TGFBI: variants seen among roughly 807,000 people sequenced by gnomAD.
TGFBI encodes the protein transforming growth factor-beta-induced protein ig-h3.
Under a neutral mutation model 73.7 loss-of-function variants are expected in TGFBI, and 50 were observed. The ratio of observed to expected loss-of-function variants is 0.68; its 90% CI spans 0.54 to 0.86. The LOEUF is 0.86. Among genes scored for constraint, TGFBI ranks in the 40% least tolerant of loss-of-function variants. The probability of loss-of-function intolerance (pLI) is 0.00; values close to 1 mark genes in which losing one functional copy is unlikely to be tolerated. For synonymous variants in TGFBI, 362 were observed against 360.5 expected, an observed-to-expected ratio of 1.00 and a Z score of -0.05; for missense variants, 839 against 877.0, an observed-to-expected ratio of 0.96 and a Z score of 0.55.
In TGFBI at chr5:136,053,803, G is replaced by T. The variant is rs1025312058; in HGVS notation, c.1127-140G>T. On this transcript the variant is annotated intron_variant, in intron 8 of 16. Coordinates refer to ENST00000442011, the MANE Select transcript of TGFBI (RefSeq NM_000358.3). ...ACTGTTCCCCTGATGACACAAGCCC[G>T]CTGGGCCCCAGCAGTGTTTAGAGGG... The T allele has an allele frequency of 2.4e-6, 3 of 1,244,376 alleles. No individual in the cohort carries two copies. The South Asian group carries it at 4.5e-5, about 18-fold the overall frequency. 77.1% of individuals were successfully genotyped at this position (1,244,376 alleles called of 1,614,324 possible).
intron 10 of TGFBI, chr5:136,055,183 GC>G (rs763654725): frequency 4.0e-5 from 12 of 301,254 alleles, no homozygotes; most frequent in Non-Finnish European, 7.3e-5. Flanking sequence ...GAGAAGAGAA[GC>G]CCCCTAAACT....
intron 7 of TGFBI, among the ~76,000 whole-genome samples, chr5:136,050,011 T>C (rs1060433): frequency 0.37 from 55,801 of 152,050 alleles, 11,564 homozygotes; most frequent in African/African-American, 0.57. Context: ...GGCTAGGGGA[T>C]TTATGGATAA....
At chr5:136,041,140 G>A (rs1751330382) in intron 2 of TGFBI, among the ~76,000 whole-genome samples, 1 of 152,254 alleles carries the variant, frequency 6.6e-6, no homozygotes, top group Non-Finnish European at 1.5e-5. Context: ...CAGCCCACAG[G>A]CTGCTGCACT....
chr5:136,060,856 A>C lies in TGFBI; in HGVS notation c.1826A>C (p.Asn609Thr). 6.2e-7 allele frequency: 1 copy of C among 1,602,162 alleles called. No homozygotes were observed. The highest frequency in any genetic ancestry group is 8.5e-7 in the Non-Finnish European group (1 of 1,171,486). The change falls in exon 14 of 17, where the codon AAC becomes ACC. Residue 609 changes from asparagine to threonine, a missense_variant. Asn to Thr is a moderately conservative substitution (Grantham distance 65). Transcript: ENST00000442011. ...TAGAAAAACAATGTGGTGAGTGTCAACAAGGAGCCTGTTGCCGAGCCTGAC... is the reference window on the plus strand; with the variant it reads ...TAGAAAAACAATGTGGTGAGTGTCACCAAGGAGCCTGTTGCCGAGCCTGAC... ...VSLKNNVVSV[N>T]KEPVAEPDIM...
chr5:136,031,671 A>G (rs531438458), intron 1 of TGFBI, among the ~76,000 whole-genome samples: 3 of 152,336 alleles, frequency 2.0e-5, no homozygotes, highest in South Asian at 2.1e-4. Context: ...TAAAAATACA[A>G]TCACACTTCC....
rs45446201 is a variant in TGFBI at position 136,063,139 on chromosome 5, A to G, written c.2012-47A>G. The G allele has an allele frequency of 5.8e-3, 9,143 of 1,573,204 alleles. 457 individuals carry two copies. In the African/African-American group the frequency reaches 0.11, roughly 18 times the overall value. ...GATTCTGACAGTGTCCTAGACAGACATGGGGAGATCTGCACCTATTTGACG... is the reference window on the plus strand; with the variant it reads ...GATTCTGACAGTGTCCTAGACAGACGTGGGGAGATCTGCACCTATTTGACG... On this transcript the variant is annotated intron_variant, in intron 16 of 16. Coordinates refer to ENST00000442011, the MANE Select transcript of TGFBI (RefSeq NM_000358.3).
Position 136,053,127 on chromosome 5 carries a change from A to G in TGFBI, c.1126+8A>G, listed in dbSNP as rs1751567161. 1 of 1,613,274 alleles carries G rather than the reference A, an allele frequency of 6.2e-7. No homozygotes were observed. Among genetic ancestry groups the G allele is most frequent in the East Asian group, 2.2e-5 (1 of 44,876 alleles). ...TACTCATCCCAGACTCAGGTAGGCC[A>G]GGCCTCCGGGGGCCTTGGCCCTGCC... On this transcript the variant is annotated splice_region_variant and intron_variant, in intron 8 of 16. Transcript: ENST00000442011.
chr5:136,062,700 T>C lies in TGFBI; in HGVS notation c.2011+13T>C. 6.4e-7 allele frequency: 1 copy of C among 1,566,170 alleles called. No homozygotes were observed. The highest frequency in any genetic ancestry group is 8.7e-7 in the Non-Finnish European group (1 of 1,153,830). On this transcript the variant is annotated intron_variant, in intron 16 of 16. Transcript: ENST00000442011. ...TCTGTGCGACTAGGTGAGTCTGGTC[T>C]GGGTTTGAAGTCATTGCAGACCTGT...
intron 8 of TGFBI, 82 bp downstream of exon 8, chr5:136,053,201 C>A (rs1751569422): frequency 2.9e-6 from 4 of 1,401,642 alleles, no homozygotes; most frequent in Non-Finnish European, 4.0e-6. Flanking sequence ...AGGGGAAATT[C>A]AGAGATCTTT....
At chr5:136,053,885 GA>G in intron 8 of TGFBI, 57 bp from the exon 9 acceptor site, 1 of 1,604,962 alleles carries the variant, frequency 6.2e-7, no homozygotes. Flanking sequence ...TGGGGTGGAT[GA>G]ATGATAAATG....
At chr5:136,054,887 T>A (rs1392782202) in intron 10 of TGFBI, 26 bp downstream of exon 10, 16 of 1,609,684 alleles carry the variant, frequency 9.9e-6, no homozygotes, top group Non-Finnish European at 1.3e-5. Flanking sequence ...TAAATCATGC[T>A]CCTGGGAAGC....
rs779085457 is a variant in TGFBI at position 136,029,024 on chromosome 5, G to C, written c.-32G>C. 6.6e-7 allele frequency: 1 copy of C among 1,515,104 alleles called. No individual in the cohort carries two copies. The highest frequency in any genetic ancestry group is 1.2e-5 in the South Asian group (1 of 82,106). The allele number at this position is 1,515,104 out of a possible 1,614,324, so 93.9% of individuals were successfully genotyped here. On this transcript the variant is annotated 5_prime_UTR_variant, in exon 1 of 17. Transcript: ENST00000442011. ...GGAGCCGCCCGCTTGCCCGTCGGTC[G>C]CTAGCTCGCTCGGTGCGCGTCGTCC...
intron 2 of TGFBI, among the ~76,000 whole-genome samples, chr5:136,036,654 G>A (rs949482603): frequency 2.0e-5 from 3 of 152,190 alleles, no homozygotes; most frequent in African/African-American, 7.2e-5. Context: ...GGGAAGGGGA[G>A]AGGACTGTGC....
chr5:136,051,794 A>G (rs576766783), intron 7 of TGFBI, among the ~76,000 whole-genome samples: 35 of 152,306 alleles, frequency 2.3e-4, no homozygotes, highest in African/African-American at 7.9e-4. Flanking sequence ...CTTCTCTAAG[A>G]AGCTCAATCC....
chr5:136,061,346 C>T, intron 14 of TGFBI, 154 bp from the exon 15 acceptor site: 1 of 658,592 alleles, frequency 1.5e-6, no homozygotes, highest in Non-Finnish European at 2.7e-6. Context: ...TCCCCATGGG[C>T]CAAGTTCTAC....
intron 2 of TGFBI, among the ~76,000 whole-genome samples, chr5:136,039,925 C>T (rs1751299854): frequency 6.6e-6 from 1 of 152,220 alleles, no homozygotes; most frequent in South Asian, 2.1e-4. Flanking sequence ...CGTTATGGGT[C>T]TGTGTTTGCT....
rs767993906 is a variant in TGFBI, at chr5:136,029,132, C to T, written c.77C>T (p.Ala26Val). 97 of 1,525,258 alleles carry T rather than the reference C, an allele frequency of 6.4e-5. No homozygotes were observed. The African/African-American group carries it at 1.2e-3, about 19-fold the overall frequency. The allele number at this position is 1,525,258 out of a possible 1,614,324, so 94.5% of individuals were successfully genotyped here. A position where few individuals can be genotyped will look rare whatever the true frequency, so the allele number is the denominator to read the frequency against. The change falls in exon 1 of 17, where the codon GCC (alanine) becomes GTC (valine). Residue 26 changes from alanine (A) to valine (V), a missense_variant. Coordinates refer to ENST00000442011, the MANE Select transcript of TGFBI (RefSeq NM_000358.3). The stretch of plus-strand genomic sequence containing the variant: ...CCCGCCGCGACCCTGGCGGGTCCCG[C>T]CAAGTCGCCCTACCAGCTGGTGCTG... Reference protein sequence around the residue: ...LGPAATLAGPAKSPYQLVLQH... With the variant: ...LGPAATLAGPVKSPYQLVLQH...
chr5:136,061,393 T>C (rs1306494220), intron 14 of TGFBI, 107 bp from the exon 15 acceptor site: 16 of 804,352 alleles, frequency 2.0e-5, no homozygotes, highest in African/African-American at 3.4e-5. Context: ...AACATGTCTT[T>C]GGAAATGTGA....
Position 136,046,417 on chromosome 5 carries a change from G to A in TGFBI, c.381G>A (p.Lys127=), listed in dbSNP as rs759397924. Residue 127 remains lysine, a synonymous_variant, in exon 4 of 17, where the codon AAG becomes AAA. Coordinates refer to ENST00000442011, the MANE Select transcript of TGFBI (RefSeq NM_000358.3). ...AGCTGTACACGGACCGCACGGAGAA[G>A]CTGAGGCCTGAGATGGAGGGGCCCG... The part of the protein sequence containing the change: ...TTQLYTDRTE[K]LRPEMEGPGS... The A allele has an allele frequency of 1.2e-6, 2 of 1,613,782 alleles. No individual in the cohort carries two copies. Among genetic ancestry groups the A allele is most frequent in the African/African-American group, 2.7e-5 (2 of 74,912 alleles).
Sources: gnomAD v4.1 joint callset for allele counts (sites outside exome capture counted in the v4.1 genomes callset) on GRCh38, gnomAD v4.1.1 for gene constraint, MANE v1.5 for transcripts, NCBI Gene and HGNC (gene_info 2026-07-23, HGNC 2026-07-21) for gene names.